Variants in KCTD8 observed in about 807,000 individuals in gnomAD.
KCTD8 encodes potassium channel tetramerization domain containing 8.
In KCTD8, 27 loss-of-function variants were observed where a neutral mutation model predicts 31.5. That is an observed-to-expected ratio of 0.86 (90% CI 0.63 to 1.18). The LOEUF (loss-of-function observed/expected upper bound fraction) is 1.18. Ranked by LOEUF, KCTD8 falls within the 50% of genes most tolerant of loss-of-function variation. The pLI, the probability that KCTD8 is intolerant of heterozygous loss-of-function variation, is 0.00. For missense variants in KCTD8, 658 were observed against 647.7 expected (o/e 1.02, Z -0.17); for synonymous variants, 290 against 280.0 (o/e 1.04, Z -0.36).
intron 1 of KCTD8, among the ~76,000 whole-genome samples, chr4:44,189,399 C>T (rs1713692912): frequency 7.0e-6 from 1 of 142,782 alleles, no homozygotes; most frequent in South Asian, 2.3e-4. Flanking sequence ...AAGTTCTCTC[C>T]AATTATATAG....
intron 1 of KCTD8, among the ~76,000 whole-genome samples, chr4:44,268,766 A>C (rs2109370690): frequency 6.6e-6 from 1 of 152,272 alleles, no homozygotes; most frequent in Non-Finnish European, 1.5e-5. Context: ...AGAGAGCCAA[A>C]TCATGAGTGA....
At chr4:44,388,311 C>T (rs1052756190) in intron 1 of KCTD8, among the ~76,000 whole-genome samples, 15 of 151,834 alleles carry the variant, frequency 9.9e-5, no homozygotes, top group Non-Finnish European at 1.9e-4. Flanking sequence ...CCTCAAAGAC[C>T]TAAAGACAGA....
intron 1 of KCTD8, among the ~76,000 whole-genome samples, chr4:44,236,722 G>A (rs959670214): frequency 1.3e-5 from 2 of 152,110 alleles, no homozygotes; most frequent in Non-Finnish European, 2.9e-5. Flanking sequence ...GTATTGAGAA[G>A]ATACTGAAGA....
intron 1 of KCTD8, among the ~76,000 whole-genome samples, chr4:44,444,053 G>A (rs770510380): frequency 6.6e-6 from 1 of 152,072 alleles, no homozygotes; most frequent in Non-Finnish European, 1.5e-5. Context: ...AAAAACACTT[G>A]ATAAACAATG....
At chr4:44,272,141 A>ATATATATATAT (rs1716631369) in intron 1 of KCTD8, among the ~76,000 whole-genome samples, 2 of 149,678 alleles carry the variant, frequency 1.3e-5, no homozygotes, top group African/African-American at 4.9e-5. Context: ...ATATATATAT[A>ATATATATATAT]AATGCTGAAC....
chr4:44,444,911 C>A (rs1721903331), intron 1 of KCTD8, among the ~76,000 whole-genome samples: 1 of 151,746 alleles, frequency 6.6e-6, no homozygotes, highest in Non-Finnish European at 1.5e-5. Flanking sequence ...ACTTGTTATA[C>A]ACTAAATAAA....
chr4:44,353,129 C>T (rs1033717277), intron 1 of KCTD8, among the ~76,000 whole-genome samples: 1 of 151,974 alleles, frequency 6.6e-6, no homozygotes. Context: ...CAATTTCTGC[C>T]CTTCTGGCCA....
chr4:44,335,060 T>C (rs1718688213), intron 1 of KCTD8, among the ~76,000 whole-genome samples: 1 of 152,130 alleles, frequency 6.6e-6, no homozygotes, highest in African/African-American at 2.4e-5. Flanking sequence ...AAGATTTGAT[T>C]CTGGCAAAAC....
At chr4:44,265,178 ACTC>A (rs1413097585) in intron 1 of KCTD8, among the ~76,000 whole-genome samples, 3 of 151,976 alleles carry the variant, frequency 2.0e-5, no homozygotes. Flanking sequence ...ACGGCCGGGT[ACTC>A]CTCTGAGACA....
chr4:44,256,762 A>G (rs545471293), intron 1 of KCTD8, among the ~76,000 whole-genome samples: 1 of 152,066 alleles, frequency 6.6e-6, no homozygotes, highest in Non-Finnish European at 1.5e-5. Context: ...GTCATGAGCC[A>G]AAGAATGCAG....
chr4:44,386,375 A>C (rs1720210437), intron 1 of KCTD8, among the ~76,000 whole-genome samples: 1 of 151,768 alleles, frequency 6.6e-6, no homozygotes, highest in South Asian at 2.1e-4. Context: ...GAAGGAAAAA[A>C]AAACTAAGGC....
intron 1 of KCTD8, among the ~76,000 whole-genome samples, chr4:44,324,142 G>T (rs1718383500): frequency 6.6e-6 from 1 of 151,640 alleles, no homozygotes; most frequent in African/African-American, 2.4e-5. Context: ...GCAAATAGAG[G>T]GCTAAATGAA....
intron 1 of KCTD8, among the ~76,000 whole-genome samples, chr4:44,249,283 A>T (rs956183764): frequency 4.0e-5 from 6 of 151,878 alleles, no homozygotes; most frequent in African/African-American, 1.2e-4. Context: ...ATTTCAAAGA[A>T]ATTGGAGGTT....
intron 1 of KCTD8, among the ~76,000 whole-genome samples, chr4:44,341,686 T>C (rs562514891): frequency 1.3e-4 from 20 of 152,296 alleles, no homozygotes; most frequent in African/African-American, 4.3e-4. Flanking sequence ...TGAAATCTAG[T>C]TCTCTTGCTA....
At chr4:44,385,674 C>T (rs77236097) in intron 1 of KCTD8, among the ~76,000 whole-genome samples, 156 of 151,362 alleles carry the variant, frequency 1.0e-3, no homozygotes, top group African/African-American at 3.6e-3. Flanking sequence ...AAAGCACATG[C>T]GAAAACAGAA....
chr4:44,439,851 G>A (rs866362421), intron 1 of KCTD8, among the ~76,000 whole-genome samples: 9 of 151,750 alleles, frequency 5.9e-5, no homozygotes, highest in Middle Eastern at 3.2e-3. Flanking sequence ...AATTAATGAA[G>A]TCAGTTAATT....
chr4:44,391,640 T>G (rs1191816544), intron 1 of KCTD8, among the ~76,000 whole-genome samples: 1 of 151,826 alleles, frequency 6.6e-6, no homozygotes, highest in Non-Finnish European at 1.5e-5. Flanking sequence ...GTTAATCAAC[T>G]GTTCATGTTA....
At chr4:44,347,883 T>C (rs186616096) in intron 1 of KCTD8, among the ~76,000 whole-genome samples, 2 of 152,284 alleles carry the variant, frequency 1.3e-5, no homozygotes, top group East Asian at 1.9e-4. Context: ...GATACATTTA[T>C]AGGGAAAAAA....
chr4:44,248,812 T>A (rs982326339), intron 1 of KCTD8, among the ~76,000 whole-genome samples: 1 of 151,854 alleles, frequency 6.6e-6, no homozygotes, highest in East Asian at 1.9e-4. Context: ...CAAGTTGCCA[T>A]CAGCCTGGGT....
Sources: allele counts gnomAD v4.1 joint callset (sites outside exome capture counted in the v4.1 genomes callset), GRCh38; gene constraint gnomAD v4.1.1; transcripts MANE v1.5; gene names NCBI Gene and HGNC (gene_info 2026-07-23, HGNC 2026-07-21).